GABRG3: variants seen among roughly 807,000 people sequenced by gnomAD.
GABRG3 encodes gamma-aminobutyric acid receptor subunit gamma-3.
In GABRG3, 25 loss-of-function variants were observed where a neutral mutation model predicts 48.8. That is an observed-to-expected ratio of 0.51 (90% CI 0.37 to 0.72). GABRG3 has a LOEUF of 0.72. GABRG3 is among the 30% of genes least tolerant of loss of function. The pLI is 0.00. For synonymous variants in GABRG3, 227 were observed against 217.6 expected (o/e 1.04, Z -0.38); for missense variants, 394 against 577.9 (o/e 0.68, Z 3.26).
chr15:27,429,833 A>G (rs1888398647), intron 5 of GABRG3, among the ~76,000 whole-genome samples: 1 of 152,210 alleles, frequency 6.6e-6, no homozygotes, highest in Admixed American at 6.5e-5. Flanking sequence ...GCTGATGGAC[A>G]TTTGGATTGT....
intron 6 of GABRG3, among the ~76,000 whole-genome samples, chr15:27,489,373 T>C (rs1890294558): frequency 6.6e-6 from 1 of 152,220 alleles, no homozygotes; most frequent in South Asian, 2.1e-4. Flanking sequence ...GAATGATTTA[T>C]AATCCTTTGG....
At chr15:27,522,700 A>G (rs1436997305) in intron 7 of GABRG3, among the ~76,000 whole-genome samples, 1 of 151,850 alleles carries the variant, frequency 6.6e-6, no homozygotes, top group Admixed American at 6.6e-5. Context: ...TAAGAATTCA[A>G]TGTAGAAATA....
Position 27,308,311 on chromosome 15 carries a change from T to TACGTTTATATATAAACATA in GABRG3, c.271-18497_271-18496insCGTTTATATATAAACATAA, listed in dbSNP as rs371774591. 2.2e-4 allele frequency among the ~76,000 whole-genome samples: 28 copies of TACGTTTATATATAAACATA among 129,766 alleles called. 1 individual carries two copies. Among genetic ancestry groups the TACGTTTATATATAAACATA allele is most frequent in the African/African-American group, 9.2e-4 (28 of 30,446 alleles). 85.1% of individuals were successfully genotyped at this position (129,766 alleles called of 152,430 possible). ...TTTATATATAAACATCATATAAACA[T>TACGTTTATATATAAACATA]ATATAAACATACGTTTATATATAAA... On this transcript the variant is annotated intron_variant, in intron 3 of 9. Coordinates refer to ENST00000615808, the MANE Select transcript of GABRG3 (RefSeq NM_033223.5).
chr15:27,139,361 G>T (rs898638248), intron 3 of GABRG3, among the ~76,000 whole-genome samples: 2 of 152,036 alleles, frequency 1.3e-5, no homozygotes, highest in Admixed American at 1.3e-4. Context: ...AGCTTCAGGA[G>T]AGAGAGAGAG....
intron 3 of GABRG3, among the ~76,000 whole-genome samples, chr15:27,105,558 C>T (rs544149799): frequency 6.6e-6 from 1 of 152,236 alleles, no homozygotes; most frequent in African/African-American, 2.4e-5. Context: ...AGAATTTGTT[C>T]TGCAACCATC....
intron 2 of GABRG3, among the ~76,000 whole-genome samples, chr15:27,010,404 C>T (rs1218384157): frequency 6.6e-6 from 1 of 152,190 alleles, no homozygotes; most frequent in Non-Finnish European, 1.5e-5. Flanking sequence ...TCTAGAAATG[C>T]AGTAACTTGC....
intron 3 of GABRG3, among the ~76,000 whole-genome samples, chr15:27,323,112 A>G (rs1194404588): frequency 6.6e-6 from 1 of 152,194 alleles, no homozygotes; most frequent in Admixed American, 6.5e-5. Flanking sequence ...AGGGCGAACA[A>G]GAGGGCCCTG....
At position 26,971,607 on chromosome 15, in the gene GABRG3, G is replaced by T; in HGVS notation, c.53+19G>T. The T allele has an allele frequency of 2.0e-6, 3 of 1,521,346 alleles. No homozygotes were observed. The highest frequency in any genetic ancestry group is 2.6e-6 in the Non-Finnish European group (3 of 1,135,898). The allele number at this position is 1,521,346 out of a possible 1,614,324, so 94.2% of individuals were successfully genotyped here. A position where few individuals can be genotyped will look rare whatever the true frequency, so the allele number is the denominator to read the frequency against. On this transcript the variant is annotated intron_variant, in intron 1 of 9. Transcript: ENST00000615808. Reference sequence around the variant, plus strand: ...ACGCGCGGTAAGTGGCGCGGGGGCCGCATCCCCGGAGGCCCCGAGCTGGGC... The same window carrying T: ...ACGCGCGGTAAGTGGCGCGGGGGCCTCATCCCCGGAGGCCCCGAGCTGGGC...
At chr15:27,308,628 CAT>C (rs201716307) in intron 3 of GABRG3, among the ~76,000 whole-genome samples, 69,203 of 146,058 alleles carry the variant, frequency 0.47, 18,410 homozygotes, top group Non-Finnish European at 0.61. Flanking sequence ...TATATATAAA[CAT>C]ATAATGTAAA....
At chr15:27,440,302 A>T (rs1016036572) in intron 5 of GABRG3, among the ~76,000 whole-genome samples, 7 of 152,180 alleles carry the variant, frequency 4.6e-5, no homozygotes, top group Non-Finnish European at 7.4e-5. Flanking sequence ...CATGCTAAAA[A>T]GCTCTACCTG....
intron 5 of GABRG3, chr15:27,365,756 CT>C (rs1365808378): frequency 6.6e-6 from 1 of 152,086 alleles, no homozygotes; most frequent in Non-Finnish European, 1.5e-5. Context: ...AGAATTATTA[CT>C]CATTAAAAAA....
intron 3 of GABRG3, among the ~76,000 whole-genome samples, chr15:27,028,184 C>T (rs569265849): frequency 5.3e-5 from 8 of 152,178 alleles, no homozygotes; most frequent in African/African-American, 4.8e-5. Context: ...CACGGTGATA[C>T]GGCCCTGCTG....
At chr15:27,453,707 TTCTC>T (rs1889177983) in intron 5 of GABRG3, among the ~76,000 whole-genome samples, 1 of 152,190 alleles carries the variant, frequency 6.6e-6, no homozygotes, top group East Asian at 1.9e-4. Flanking sequence ...ATTCAAGCAA[TTCTC>T]CTGCTTCAGC....
chr15:27,299,158 C>T (rs1172074885), intron 3 of GABRG3, among the ~76,000 whole-genome samples: 1 of 152,110 alleles, frequency 6.6e-6, no homozygotes, highest in Non-Finnish European at 1.5e-5. Context: ...GTGGCAGGTG[C>T]CTGTAATCCC....
chr15:27,123,892 G>T (rs1897773729), intron 3 of GABRG3, among the ~76,000 whole-genome samples: 1 of 152,158 alleles, frequency 6.6e-6, no homozygotes, highest in Non-Finnish European at 1.5e-5. Context: ...CACTCAAGGG[G>T]TTAAGGAAGC....
At chr15:27,402,214 A>T (rs1029408243) in intron 5 of GABRG3, among the ~76,000 whole-genome samples, 3 of 152,218 alleles carry the variant, frequency 2.0e-5, no homozygotes, top group African/African-American at 7.2e-5. Flanking sequence ...TGTAGATGTG[A>T]TGGGTATTTC....
chr15:27,471,131 TA>T (rs1889775863), intron 5 of GABRG3, among the ~76,000 whole-genome samples: 1 of 152,150 alleles, frequency 6.6e-6, no homozygotes, highest in South Asian at 2.1e-4. Context: ...CAGAGTTTTT[TA>T]AAGATCGTTT....
chr15:27,026,722 A>C, intron 2 of GABRG3, 32 bp from the exon 3 acceptor site: 1 of 1,552,218 alleles, frequency 6.4e-7, no homozygotes, highest in Non-Finnish European at 8.8e-7. Context: ...CTCCGGCACG[A>C]AGTATTAACA....
chr15:27,172,031 G>C (rs140439028), intron 3 of GABRG3, among the ~76,000 whole-genome samples: 66 of 152,210 alleles, frequency 4.3e-4, no homozygotes, highest in African/African-American at 1.6e-3. Context: ...CTTTAATCAG[G>C]AGCTCGCTCT....
Sources: allele counts gnomAD v4.1 joint callset (sites outside exome capture counted in the v4.1 genomes callset), GRCh38; gene constraint gnomAD v4.1.1; transcripts MANE v1.5; gene names NCBI Gene and HGNC (gene_info 2026-07-23, HGNC 2026-07-21).